Variants in ADAM11 observed in about 807,000 individuals in gnomAD.
The protein encoded by ADAM11 is ADAM metallopeptidase domain 11, also known as disintegrin and metalloproteinase domain-containing protein 11.
A neutral mutation model predicts 119.1 loss-of-function variants in ADAM11; 49 were observed. That is an observed-to-expected ratio of 0.41 (90% CI 0.33 to 0.52). ADAM11 has a LOEUF of 0.52. Among genes scored for constraint, ADAM11 ranks in the 20% least tolerant of loss-of-function variants. The probability of loss-of-function intolerance (pLI) is 0.20; values close to 1 mark genes in which losing one functional copy is unlikely to be tolerated. For synonymous variants in ADAM11, 364 were observed against 408.0 expected (o/e 0.89, Z 1.30); for missense variants, 777 against 1,047.5 (o/e 0.74, Z 3.56).
Position 44,775,137 on chromosome 17 carries a change from C to T in ADAM11, c.1221-75C>T. 2.3e-6 allele frequency: 3 copies of T among 1,276,650 alleles called. No individual in the cohort carries two copies. Among genetic ancestry groups the T allele is most frequent in the Admixed American group, 1.8e-5 (1 of 56,832 alleles). The allele number at this position is 1,276,650 out of a possible 1,614,324, so 79.1% of individuals were successfully genotyped here. A position where few individuals can be genotyped will look rare whatever the true frequency, so the allele number is the denominator to read the frequency against. ...TGGTGACGAAGTCCCCCAGTGTACCCCCTCCCCAGCCTTGAGAGGGGTGAG... is the reference window on the plus strand; with the variant it reads ...TGGTGACGAAGTCCCCCAGTGTACCTCCTCCCCAGCCTTGAGAGGGGTGAG... On this transcript the variant is annotated intron_variant, in intron 14 of 26. Transcript: ENST00000200557. This position sits in a 1 kb window ranked among gnomAD's most constrained non-coding sequence, Gnocchi z 7.5.
intron 13 of ADAM11, 55 bp from the exon 14 acceptor site, chr17:44,774,643 A>G: frequency 6.3e-7 from 1 of 1,598,566 alleles, no homozygotes; most frequent in Non-Finnish European, 8.5e-7. Context: ...CGGGAGGGTG[A>G]CAGTGGGAGG....
At position 44,777,410 on chromosome 17, in the gene ADAM11, A is replaced by C; in HGVS notation, c.1782-72A>C. On this transcript the variant is annotated intron_variant, in intron 21 of 26. Transcript: ENST00000200557. The surrounding 1 kb of genome is among the most constrained non-coding windows in gnomAD (Gnocchi z 5.1). ...AAATGAGGTGGCAGGGTGCAGGGTG[A>C]GGGCAGATTAGAGTTCAGTAGTTGA... 1 of 1,562,984 alleles carries C rather than the reference A, an allele frequency of 6.4e-7. No individual in the cohort carries two copies. Among genetic ancestry groups the C allele is most frequent in the South Asian group, 1.1e-5 (1 of 88,496 alleles).
rs762410584 is a variant in ADAM11 at position 44,775,508 on chromosome 17, G to C, written c.1392+43G>C. The C allele has an allele frequency of 6.3e-7, 1 of 1,584,816 alleles. No homozygotes were observed. The highest frequency in any genetic ancestry group is 1.3e-5 in the African/African-American group (1 of 74,664). ...CGCCAGGTGGGGAACCGGGATGCGG[G>C]GGTGGGCACGAGGGAGCGTCTGAGT... On this transcript the variant is annotated intron_variant, in intron 16 of 26. Transcript: ENST00000200557. The surrounding 1 kb of genome is among the most constrained non-coding windows in gnomAD (Gnocchi z 7.5).
intron 2 of ADAM11, among the ~76,000 whole-genome samples, chr17:44,764,190 AG>A (rs972422696): frequency 6.6e-6 from 1 of 152,108 alleles, no homozygotes; most frequent in Non-Finnish European, 1.5e-5. Flanking sequence ...CAGCTAGGGG[AG>A]GGGTGCCTCA....
In ADAM11 at chr17:44,772,864, G is replaced by A. The variant is rs754927296; in HGVS notation, c.686G>A (p.Arg229Gln). The A allele has an allele frequency of 5.0e-6, 8 of 1,613,340 alleles. No homozygotes were observed. Among genetic ancestry groups the A allele is most frequent in the Middle Eastern group, 1.7e-4 (1 of 6,060 alleles). The change falls in exon 9 of 27, where the codon CGG (arginine) becomes CAG (glutamine). Residue 229 changes from arginine (R) to glutamine (Q), a missense_variant. Arg to Gln is a conservative substitution (Grantham distance 43). Transcript: ENST00000200557. This position sits in a 1 kb window ranked among gnomAD's most constrained non-coding sequence, Gnocchi z 4.5. ...TGCCCACCCACCCCCCAGGTCCGCC[G>A]GGGCCACCCTACAGTGCACAGTGAA... ...PRLRRKRQVRRGHPTVHSETK... is the reference protein window; with the variant it reads ...PRLRRKRQVRQGHPTVHSETK...
chr17:44,773,475 A>G lies in ADAM11; in HGVS notation c.992+48A>G. On this transcript the variant is annotated intron_variant, in intron 11 of 26. Coordinates refer to ENST00000200557, the MANE Select transcript of ADAM11 (RefSeq NM_002390.6). This position sits in a 1 kb window ranked among gnomAD's most constrained non-coding sequence, Gnocchi z 4.6. ...CCTGCCAGCCTCTGCTAGTTGCTAC[A>G]GTGCTTGGGATTACTTAACACCTGC... 1.3e-6 allele frequency: 2 copies of G among 1,590,682 alleles called. No homozygotes were observed. The highest frequency in any genetic ancestry group is 1.7e-6 in the Non-Finnish European group (2 of 1,167,400).
chr17:44,778,688 CAAAAAAAAAAA>C (rs566515861), intron 25 of ADAM11, among the ~76,000 whole-genome samples: 85 of 52,428 alleles, frequency 1.6e-3, no homozygotes, highest in African/African-American at 5.2e-3. Context: ...AAGACTGCGT[CAAAAAAAAAAA>C]AAAAAAAAAA....
rs2145226173 is a variant in ADAM11, at chr17:44,772,177, G to A, written c.544-90G>A. The A allele has an allele frequency of 8.0e-7, 1 of 1,252,330 alleles. No homozygotes were observed. The highest frequency in any genetic ancestry group is 1.1e-6 in the Non-Finnish European group (1 of 885,594). The allele number at this position is 1,252,330 out of a possible 1,614,324, so 77.6% of individuals were successfully genotyped here. On this transcript the variant is annotated intron_variant, in intron 6 of 26. Transcript: ENST00000200557. This position sits in a 1 kb window ranked among gnomAD's most constrained non-coding sequence, Gnocchi z 4.5. ...CCAGTTCTGGGTCACCCCAGGGTGG[G>A]GTGGAGGCGAGGGCTGGATCTGGCC...
In ADAM11 at chr17:44,776,881, T is replaced by C. The variant is rs2049609242; in HGVS notation, c.1618-18T>C. 5 of 1,613,506 alleles carry C rather than the reference T, an allele frequency of 3.1e-6. No homozygotes were observed. Among genetic ancestry groups the C allele is most frequent in the Non-Finnish European group, 4.2e-6 (5 of 1,179,506 alleles). ...CTCAGCATCTCCATCCCTTGCCTCT[T>C]AATTCTTGGACTCTCAGGGCCGCTG... On this transcript the variant is annotated intron_variant, in intron 19 of 26. Transcript: ENST00000200557. The surrounding 1 kb of genome is among the most constrained non-coding windows in gnomAD (Gnocchi z 5.2).
chr17:44,779,412 G>T (rs2049660509), intron 26 of ADAM11, 173 bp downstream of exon 26: 2 of 985,250 alleles, frequency 2.0e-6, no homozygotes, highest in African/African-American at 3.5e-5. Flanking sequence ...CCTCGCTCAG[G>T]GAAGAAGGTC....
intron 2 of ADAM11, among the ~76,000 whole-genome samples, chr17:44,767,812 C>T (rs1285104369): frequency 6.6e-6 from 1 of 152,228 alleles, no homozygotes; most frequent in Non-Finnish European, 1.5e-5. Flanking sequence ...GCCTTCATCC[C>T]CCATCAGCTG....
rs190924483 is a variant in ADAM11 at position 44,779,655 on chromosome 17, A to G, written c.2295-84A>G. ...GACTTGCCGCCTGCCTCCAGGGCCC[A>G]GCACTGAGCTCCGGGGCCCTGCTGG... On this transcript the variant is annotated intron_variant, in intron 26 of 26. Coordinates refer to ENST00000200557, the MANE Select transcript of ADAM11 (RefSeq NM_002390.6). 1,679 of 1,535,442 alleles carry G rather than the reference A, an allele frequency of 1.1e-3. 11 individuals are homozygous for G. In the African/African-American group the frequency reaches 0.021, roughly 19 times the overall value.
chr17:44,779,354 T>C, intron 26 of ADAM11, 115 bp downstream of exon 26: 1 of 1,470,668 alleles, frequency 6.8e-7, no homozygotes, highest in Non-Finnish European at 9.0e-7. Flanking sequence ...GAGCGGGGGC[T>C]GATTCCCCCA....
rs777737394 is a variant in ADAM11, at chr17:44,771,802, G to A, written c.514G>A (p.Glu172Lys). ...CTTGACTTACATCGTGGAGCCCCAA[G>A]AGGTGGCTGGACCTTGGGGAGCCCC... ...GNLTYIVEPQ[E>K]VAGPWGAPQG... is the part of the protein sequence containing the mutation. The change falls in exon 6 of 27, where the codon GAG becomes AAG. Residue 172 changes from glutamate to lysine, a missense_variant. Physicochemically the swap from Glu to Lys is moderately conservative, Grantham distance 56. Transcript: ENST00000200557. The A allele has an allele frequency of 4.3e-6, 7 of 1,613,024 alleles. No individual in the cohort carries two copies. Among genetic ancestry groups the A allele is most frequent in the Non-Finnish European group, 8.5e-7 (1 of 1,179,110 alleles).
chr17:44,778,952 C>T (rs1272595687), intron 25 of ADAM11, among the ~76,000 whole-genome samples: 1 of 152,122 alleles, frequency 6.6e-6, no homozygotes, highest in East Asian at 1.9e-4. Context: ...GGTCCTTGTG[C>T]TGGTCTAACC....
Position 44,772,762 on chromosome 17 carries a change from A to AG in ADAM11, c.679-94dup. ...CTGGCACTGTCCCTGGCTGGAGTCC[A>AG]GACCCCCCCATCCCCACCGAGTCTG... On this transcript the variant is annotated intron_variant, in intron 8 of 26. Transcript: ENST00000200557. The surrounding 1 kb of genome is among the most constrained non-coding windows in gnomAD (Gnocchi z 4.5). 8.7e-7 allele frequency: 1 copy of AG among 1,154,202 alleles called. No individual in the cohort carries two copies. The highest frequency in any genetic ancestry group is 1.4e-5 in the South Asian group (1 of 72,162). 71.5% of individuals were successfully genotyped at this position (1,154,202 alleles called of 1,614,324 possible). A position where few individuals can be genotyped will look rare whatever the true frequency, so the allele number is the denominator to read the frequency against.
chr17:44,776,220 C>T lies in ADAM11; in HGVS notation c.1566+13C>T. On this transcript the variant is annotated intron_variant, in intron 18 of 26. Coordinates refer to ENST00000200557, the MANE Select transcript of ADAM11 (RefSeq NM_002390.6). This position sits in a 1 kb window ranked among gnomAD's most constrained non-coding sequence, Gnocchi z 5.2. ...GGACTCTAGCCAGGTCCGCCCGGCC[C>T]CGCCGTCTTGTGGAGCCCTGGGCGA... 8 of 1,612,984 alleles carry T rather than the reference C, an allele frequency of 5.0e-6. No individual in the cohort carries two copies. The highest frequency in any genetic ancestry group is 6.8e-6 in the Non-Finnish European group (8 of 1,179,776).
At position 44,759,874 on chromosome 17, in the gene ADAM11, C is replaced by A. The variant is rs1335432790; in HGVS notation, c.214C>A (p.Arg72Ser). The A allele has an allele frequency of 3.1e-6, 4 of 1,308,972 alleles. No individual in the cohort carries two copies. Among genetic ancestry groups the A allele is most frequent in the East Asian group, 2.8e-5 (1 of 35,490 alleles). The allele number at this position is 1,308,972 out of a possible 1,614,324, so 81.1% of individuals were successfully genotyped here. A position where few individuals can be genotyped will look rare whatever the true frequency, so the allele number is the denominator to read the frequency against. ...AAAGCAGCAGCTGGACACAAGGGTC[C>A]GCCAGGAGCCACCAGGGGGCCCGGT... is the stretch of plus-strand genomic sequence containing the variant. The part of the protein sequence containing the change: ...VRKQQLDTRV[R>S]QEPPGGPPVH... Residue 72 changes from arginine (R) to serine (S), a missense_variant, in exon 2 of 27, where the codon CGC becomes AGC. Arg to Ser is a moderately radical substitution (Grantham distance 110). Transcript: ENST00000200557.
Position 44,759,446 on chromosome 17 carries a change from C to G in ADAM11, c.61+186C>G, listed in dbSNP as rs1414483802. 2.3e-5 allele frequency: 29 copies of G among 1,247,784 alleles called. No homozygotes were observed. In the East Asian group the frequency reaches 9.1e-4, roughly 39 times the overall value. 77.3% of individuals were successfully genotyped at this position (1,247,784 alleles called of 1,614,324 possible). ...CCACCTGTCCCCAGCTGGCCGGGCC[C>G]ACCGCGTCCCTGCCCCTGCCGCCGA... On this transcript the variant is annotated intron_variant, in intron 1 of 26. Coordinates refer to ENST00000200557, the MANE Select transcript of ADAM11 (RefSeq NM_002390.6).
Sources: allele counts gnomAD v4.1 joint callset (sites outside exome capture counted in the v4.1 genomes callset), GRCh38; gene constraint gnomAD v4.1.1; non-coding constraint Gnocchi (gnomAD v3.1); transcripts MANE v1.5; gene names NCBI Gene and HGNC (gene_info 2026-07-23, HGNC 2026-07-21).